Variants in PLGRKT observed in about 807,000 individuals in gnomAD.
PLGRKT encodes plasminogen receptor (KT).
PLGRKT carries 22 observed loss-of-function variants against 18.5 expected under a neutral mutation model. That is an observed-to-expected ratio of 1.19 (90% CI 0.85 to 1.70). PLGRKT has a LOEUF of 1.70. Among genes scored for constraint, PLGRKT ranks in the 40% most tolerant of loss-of-function variants. The probability of loss-of-function intolerance (pLI) is 0.00; values close to 1 mark genes in which losing one functional copy is unlikely to be tolerated. For synonymous variants in PLGRKT, 72 were observed against 52.8 expected, an observed-to-expected ratio of 1.36 and a Z score of -1.58; for missense variants, 235 against 174.4, an observed-to-expected ratio of 1.35 and a Z score of -1.96.
At chr9:5,430,736 A>G (rs932661) in intron 3 of PLGRKT, among the ~76,000 whole-genome samples, 150,840 of 152,332 alleles carry the variant, frequency 0.99, 74,684 homozygotes, top group Middle Eastern at 1. Context: ...ATGCCTTACC[A>G]GAGGACTTTC....
chr9:5,366,365 A>G (rs1325546371), intron 3 of PLGRKT, among the ~76,000 whole-genome samples: 2 of 152,192 alleles, frequency 1.3e-5, no homozygotes, highest in Non-Finnish European at 2.9e-5. Context: ...AAAATTCTTT[A>G]TCGTATTTTA....
In PLGRKT at chr9:5,437,816, G is replaced by T. The variant is rs1374710429; in HGVS notation, c.-160C>A. 1 of 152,284 alleles carries T rather than the reference G, an allele frequency of 6.6e-6. No individual in the cohort carries two copies. Among genetic ancestry groups the T allele is most frequent in the African/African-American group, 2.4e-5 (1 of 41,470 alleles). 9.4% of individuals were successfully genotyped at this position (152,284 alleles called of 1,614,324 possible). ...GGCGGCGCTGGTGCCGGGACCAGGC[G>T]ACCGGTACGCAAACCTCCAGGCCCG... On this transcript the variant is annotated 5_prime_UTR_variant, in exon 1 of 6. Transcript: ENST00000223864.
At chr9:5,399,755 G>A (rs1192050884) in intron 3 of PLGRKT, among the ~76,000 whole-genome samples, 1 of 151,696 alleles carries the variant, frequency 6.6e-6, no homozygotes, top group African/African-American at 2.4e-5. Context: ...TTGGGAGGCC[G>A]AGGTGGGTGG....
chr9:5,427,148 TA>T (rs911616385), intron 3 of PLGRKT, among the ~76,000 whole-genome samples: 36 of 152,224 alleles, frequency 2.4e-4, no homozygotes, highest in African/African-American at 8.7e-4. Context: ...AGTAATGTGA[TA>T]AAATCTCCCA....
Position 5,385,813 on chromosome 9 carries a change from C to A in PLGRKT, c.82-23925G>T, listed in dbSNP as rs1420024002. ...GCAAAGACACTGACAGTGTTTCCTC[C>A]AGAATATATTTCCTAGGATGTTTAT... On this transcript the variant is annotated intron_variant, in intron 3 of 5. Transcript: ENST00000223864. Among the ~76,000 whole-genome samples the A allele has an allele frequency of 1.3e-5, 2 of 151,826 alleles. 1 individual carries two copies. Among genetic ancestry groups the A allele is most frequent in the African/African-American group, 4.9e-5 (2 of 41,132 alleles).
intron 3 of PLGRKT, among the ~76,000 whole-genome samples, chr9:5,404,332 A>C (rs1273878930): frequency 1.3e-5 from 2 of 152,140 alleles, no homozygotes; most frequent in African/African-American, 2.4e-5. Context: ...AAAAAAGAAA[A>C]CTTCAGGCCA....
At position 5,426,027 on chromosome 9, in the gene PLGRKT, A is replaced by G. The variant is rs916091612; in HGVS notation, c.81+5870T>C. On this transcript the variant is annotated intron_variant, in intron 3 of 5. Coordinates refer to ENST00000223864, the MANE Select transcript of PLGRKT (RefSeq NM_018465.4). ...GATGTTATTTAGACATGGTATTTCA[A>G]TCAGAATCTTTTTTAAAACTTCATC... Among the ~76,000 whole-genome samples, 5 of 152,336 alleles carry G rather than the reference A, an allele frequency of 3.3e-5. No individual in the cohort carries two copies. The South Asian group carries it at 1.0e-3, about 32-fold the overall frequency.
intron 3 of PLGRKT, among the ~76,000 whole-genome samples, chr9:5,413,092 G>T (rs988770860): frequency 2.0e-5 from 3 of 152,162 alleles, no homozygotes; most frequent in African/African-American, 7.2e-5. Flanking sequence ...AACATACTTT[G>T]TTGGTGAGAC....
At chr9:5,375,203 T>C (rs1049001024) in intron 3 of PLGRKT, among the ~76,000 whole-genome samples, 1 of 152,244 alleles carries the variant, frequency 6.6e-6, no homozygotes, top group Non-Finnish European at 1.5e-5. Context: ...ATGAGTTGTT[T>C]AGTCACACTG....
At chr9:5,429,979 C>A (rs1290590779) in intron 3 of PLGRKT, among the ~76,000 whole-genome samples, 1 of 152,170 alleles carries the variant, frequency 6.6e-6, no homozygotes, top group African/African-American at 2.4e-5. Context: ...CAACCCACCC[C>A]TTGCTCATGG....
At chr9:5,399,076 T>A (rs969380097) in intron 3 of PLGRKT, among the ~76,000 whole-genome samples, 1 of 151,530 alleles carries the variant, frequency 6.6e-6, no homozygotes, top group African/African-American at 2.4e-5. Context: ...CCTCTCGCCT[T>A]CCCACAATTC....
chr9:5,361,807 T>C lies in PLGRKT; in HGVS notation c.163A>G (p.Lys55Glu). Residue 55 changes from lysine to glutamate, a missense_variant, in exon 4 of 6, where the codon AAA becomes GAA. By Grantham distance (56) the Lys-to-Glu change is moderately conservative. Coordinates refer to ENST00000223864, the MANE Select transcript of PLGRKT (RefSeq NM_018465.4). The stretch of plus-strand genomic sequence containing the variant: ...AGGCCAAAAAAAGTTCCAAAATATT[T>C]GAGGAATTCCCGAGACCACGCAATC... ...MQIAWSREFL[K>E]YFGTFFGLAA... 6.2e-7 allele frequency: 1 copy of C among 1,613,512 alleles called. No homozygotes were observed. The highest frequency in any genetic ancestry group is 1.3e-5 in the African/African-American group (1 of 75,016).
chr9:5,432,778 G>A (rs933008283), intron 2 of PLGRKT, among the ~76,000 whole-genome samples: 3 of 152,186 alleles, frequency 2.0e-5, no homozygotes, highest in Non-Finnish European at 4.4e-5. Context: ...GATTGCAGAC[G>A]GAGTCTCGCT....
chr9:5,424,166 T>C (rs1441195488), intron 3 of PLGRKT, among the ~76,000 whole-genome samples: 1 of 139,256 alleles, frequency 7.2e-6, no homozygotes, highest in African/African-American at 2.6e-5. Flanking sequence ...ATAATATATA[T>C]TATATATAGT....
chr9:5,390,322 A>C (rs1472814349), intron 3 of PLGRKT, among the ~76,000 whole-genome samples: 2 of 151,730 alleles, frequency 1.3e-5, no homozygotes, highest in African/African-American at 4.9e-5. Context: ...AGACCTAGAC[A>C]TGTGACACTT....
chr9:5,429,249 C>A lies in PLGRKT; in HGVS notation c.81+2648G>T, dbSNP rs149149172. Among the ~76,000 whole-genome samples the A allele has an allele frequency of 1.6e-4, 25 of 152,300 alleles. 1 individual carries two copies. In the East Asian group the frequency reaches 4.8e-3, roughly 29 times the overall value. ...CCAGTCAGGGATTCCCAGACCCCTTCTAGGTGGTCTAATAGAAACATAGAA... is the reference window on the plus strand; with the variant it reads ...CCAGTCAGGGATTCCCAGACCCCTTATAGGTGGTCTAATAGAAACATAGAA... On this transcript the variant is annotated intron_variant, in intron 3 of 5. Coordinates refer to ENST00000223864, the MANE Select transcript of PLGRKT (RefSeq NM_018465.4).
chr9:5,384,009 A>G (rs1361214932), intron 3 of PLGRKT, among the ~76,000 whole-genome samples: 2 of 152,192 alleles, frequency 1.3e-5, no homozygotes, highest in African/African-American at 4.8e-5. Context: ...ATCCATTTAC[A>G]TGGAGCCACT....
intron 3 of PLGRKT, among the ~76,000 whole-genome samples, chr9:5,429,037 G>A (rs565114670): frequency 1.3e-5 from 2 of 152,168 alleles, no homozygotes; most frequent in Admixed American, 1.3e-4. Context: ...GAAAGTAACT[G>A]AATTCAACTG....
At chr9:5,372,236 C>G (rs547958366) in intron 3 of PLGRKT, among the ~76,000 whole-genome samples, 2 of 152,092 alleles carry the variant, frequency 1.3e-5, no homozygotes, top group South Asian at 2.1e-4. Context: ...ACCTCAGTCT[C>G]TCAAAGAAAA....
Sources: allele counts gnomAD v4.1 joint callset (sites outside exome capture counted in the v4.1 genomes callset), GRCh38; gene constraint gnomAD v4.1.1; transcripts MANE v1.5; gene names NCBI Gene and HGNC (gene_info 2026-07-23, HGNC 2026-07-21).